Variants in PPM1B observed in about 807,000 individuals in gnomAD.
The protein encoded by PPM1B is protein phosphatase, Mg2+/Mn2+ dependent 1B.
PPM1B carries 22 observed loss-of-function variants against 43.0 expected under a neutral mutation model. The observed-to-expected ratio is 0.51, with a 90% CI of 0.37 to 0.73. PPM1B has a LOEUF of 0.73. Among genes scored for constraint, PPM1B ranks in the 30% least tolerant of loss-of-function variants. The pLI, the probability that PPM1B is intolerant of heterozygous loss-of-function variation, is 0.00. For missense variants in PPM1B, 632 were observed against 584.2 expected, an observed-to-expected ratio of 1.08 and a Z score of -0.84; for synonymous variants, 217 against 197.9, an observed-to-expected ratio of 1.10 and a Z score of -0.81.
At chr2:44,208,796 A>G (rs1418381600) in intron 2 of PPM1B, among the ~76,000 whole-genome samples, 1 of 152,212 alleles carries the variant, frequency 6.6e-6, no homozygotes, top group Non-Finnish European at 1.5e-5. Context: ...AAATTCATGG[A>G]GTCGTAGCAT....
chr2:44,229,475 CTT>C (rs1425168269), intron 5 of PPM1B, among the ~76,000 whole-genome samples: 1 of 152,128 alleles, frequency 6.6e-6, no homozygotes, highest in Non-Finnish European at 1.5e-5. Flanking sequence ...TTGAAACTGA[CTT>C]TGAAGAATCT....
intron 1 of PPM1B, among the ~76,000 whole-genome samples, chr2:44,169,914 C>G (rs1667242907): frequency 6.6e-6 from 1 of 151,882 alleles, no homozygotes; most frequent in Admixed American, 6.6e-5. Context: ...CACTTATTGT[C>G]AGTACCCCAA....
rs149135387 is a variant in PPM1B, at chr2:44,243,120, C to T, written n.1547-1108C>T. On this transcript the variant is annotated intron_variant and non_coding_transcript_variant, in intron 5 of 5. Transcript: ENST00000378540. ...TTTCTTACACAATAACTTTTTGTTT[C>T]GATGCCAGCTTTTCCTACAGGCAGA... Among the ~76,000 whole-genome samples, 1,212 of 152,172 alleles carry T rather than the reference C, an allele frequency of 8.0e-3. 21 individuals carry two copies. Among genetic ancestry groups the T allele is most frequent in the African/African-American group, 0.027 (1,114 of 41,526 alleles).
intron 1 of PPM1B, among the ~76,000 whole-genome samples, chr2:44,188,763 T>C (rs955482282): frequency 1.3e-4 from 18 of 139,592 alleles, no homozygotes; most frequent in South Asian, 2.3e-4. Flanking sequence ...TCCTTCCTTC[T>C]TTCCTTCCTT....
intron 1 of PPM1B, among the ~76,000 whole-genome samples, chr2:44,183,812 C>A (rs967936835): frequency 6.6e-5 from 10 of 152,202 alleles, no homozygotes; most frequent in African/African-American, 2.4e-4. Flanking sequence ...GATCTCGGCT[C>A]ACTGCAAGCT....
chr2:44,198,575 A>G (rs1299497831), intron 1 of PPM1B, among the ~76,000 whole-genome samples: 1 of 152,234 alleles, frequency 6.6e-6, no homozygotes, highest in Non-Finnish European at 1.5e-5. Context: ...GACAGAGCCT[A>G]CCACAGAACA....
At chr2:44,218,984 G>C in intron 5 of PPM1B, 1 of 401,648 alleles carries the variant, frequency 2.5e-6, no homozygotes, top group South Asian at 1.8e-5. Context: ...GAATACCCGA[G>C]GATAGTTTTT....
chr2:44,231,325 T>C lies in PPM1B; in HGVS notation c.*607T>C. 2.0e-6 allele frequency: 2 copies of C among 979,884 alleles called. 1 individual carries two copies. The highest frequency in any genetic ancestry group is 9.4e-5 in the South Asian group (2 of 21,168). The allele number at this position is 979,884 out of a possible 1,614,324, so 60.7% of individuals were successfully genotyped here. ...CTGTATTCTTTATGAAACATAACTT[T>C]TGAAAAACCTATGTATTATTCATAC... On this transcript the variant is annotated 3_prime_UTR_variant, in exon 6 of 6. Coordinates refer to ENST00000282412, the MANE Select transcript of PPM1B (RefSeq NM_002706.6).
At chr2:44,180,848 GA>G (rs2104019311) in intron 1 of PPM1B, among the ~76,000 whole-genome samples, 1 of 151,928 alleles carries the variant, frequency 6.6e-6, no homozygotes, top group East Asian at 1.9e-4. Flanking sequence ...ATTAGGGTGG[GA>G]AAGGAGCTAA....
chr2:44,203,869 T>C (rs905417796), intron 2 of PPM1B, among the ~76,000 whole-genome samples: 20 of 152,216 alleles, frequency 1.3e-4, no homozygotes, highest in African/African-American at 4.6e-4. Flanking sequence ...ATTGAAAGGA[T>C]GCTAGTTTTT....
In PPM1B at chr2:44,201,504, T is replaced by TTAA; in HGVS notation, c.306_308dup (p.Val102_Lys103insAsn). On this transcript the variant is annotated inframe_insertion, in exon 2 of 6. Transcript: ENST00000282412. The surrounding 1 kb of genome is among the most constrained non-coding windows in gnomAD (Gnocchi z 5.4). ...GCTCTTGAGCTTTCAGTGGAAAATG[T>TTAA]TAAGAATGGTATCAGAACTGGATTT... The TTAA allele has an allele frequency of 6.2e-7, 1 of 1,614,164 alleles. No homozygotes were observed. Among genetic ancestry groups the TTAA allele is most frequent in the Non-Finnish European group, 8.5e-7 (1 of 1,180,018 alleles).
intron 3 of PPM1B, among the ~76,000 whole-genome samples, chr2:44,213,148 T>C (rs1381749715): frequency 6.7e-6 from 1 of 148,734 alleles, no homozygotes; most frequent in Non-Finnish European, 1.5e-5. Flanking sequence ...CCTGAGAAGC[T>C]AAGTATCATA....
chr2:44,207,956 T>C, intron 2 of PPM1B, among the ~76,000 whole-genome samples: 1 of 146,006 alleles, frequency 6.8e-6, no homozygotes. Flanking sequence ...TGGTGCAATC[T>C]CAGCTCACTG....
At chr2:44,191,498 G>A (rs966045676) in intron 1 of PPM1B, among the ~76,000 whole-genome samples, 1 of 152,190 alleles carries the variant, frequency 6.6e-6, no homozygotes, top group Admixed American at 6.5e-5. Flanking sequence ...ACAGGCGTGA[G>A]CCACCGCTCC....
At chr2:44,199,720 A>C (rs1668841955) in intron 1 of PPM1B, among the ~76,000 whole-genome samples, 1 of 152,216 alleles carries the variant, frequency 6.6e-6, no homozygotes, top group South Asian at 2.1e-4. Context: ...CTACTGATAG[A>C]ATGAAAAATA....
chr2:44,202,468 T>A (rs1466259965), intron 2 of PPM1B, among the ~76,000 whole-genome samples: 1 of 152,192 alleles, frequency 6.6e-6, no homozygotes, highest in East Asian at 1.9e-4. Flanking sequence ...GCCTAGCCTG[T>A]ATAAAATTTA....
At chr2:44,246,380 A>G (rs1670853866), downstream of PPM1B, among the ~76,000 whole-genome samples, 1 of 152,174 alleles carries the variant, frequency 6.6e-6, no homozygotes, top group Admixed American at 6.5e-5. Flanking sequence ...AAATTTATTA[A>G]CCTTTTGAGT....
At chr2:44,209,771 C>T (rs1436126604) in intron 3 of PPM1B, among the ~76,000 whole-genome samples, 3 of 137,936 alleles carry the variant, frequency 2.2e-5, no homozygotes, top group Non-Finnish European at 3.1e-5. Context: ...AGTGAGACTC[C>T]GTCTCCAAAA....
At chr2:44,230,084 A>G (rs747417249) in intron 5 of PPM1B, 16 of 1,524,836 alleles carry the variant, frequency 1.0e-5, no homozygotes, top group Admixed American at 2.4e-5. Context: ...TAAATCATAT[A>G]GCCAAATATT....
Sources: allele counts gnomAD v4.1 joint callset (sites outside exome capture counted in the v4.1 genomes callset), GRCh38; gene constraint gnomAD v4.1.1; non-coding constraint Gnocchi (gnomAD v3.1); transcripts MANE v1.5; gene names NCBI Gene and HGNC (gene_info 2026-07-23, HGNC 2026-07-21).